The following FBXL2 variants were observed in gnomAD, a reference collection of about 807,000 sequenced individuals.
The protein encoded by FBXL2 is F-box and leucine rich repeat protein 2.
A neutral mutation model predicts 69.2 loss-of-function variants in FBXL2; 38 were observed. That is an observed-to-expected ratio of 0.55 (90% CI 0.42 to 0.72). The LOEUF (loss-of-function observed/expected upper bound fraction) is 0.72, where lower values mean the gene tolerates loss of function less well. Ranked by LOEUF, FBXL2 falls within the 30% of genes least tolerant of loss-of-function variation. The probability of loss-of-function intolerance (pLI) is 0.00; values close to 1 mark genes in which losing one functional copy is unlikely to be tolerated. For synonymous variants in FBXL2, 192 were observed against 201.3 expected (o/e 0.95, Z 0.39); for missense variants, 354 against 520.3 (o/e 0.68, Z 3.11).
chr3:33,418,293 G>A, the FBXL2 span, among the ~76,000 whole-genome samples: 4 of 151,804 alleles, frequency 2.6e-5, no homozygotes, highest in African/African-American at 7.3e-5. Flanking sequence ...TCGTTCTGTC[G>A]CCCAGGCTGG....
intron 1 of FBXL2, 103 bp downstream of exon 1, chr3:33,277,618 G>T (rs1404936175): frequency 9.4e-6 from 11 of 1,164,786 alleles, no homozygotes; most frequent in Non-Finnish European, 9.8e-6. Context: ...CGCAGGGGTC[G>T]TGGAGAGGCC....
At chr3:33,415,520 A>G in the FBXL2 span, among the ~76,000 whole-genome samples, 3 of 152,344 alleles carry the variant, frequency 2.0e-5, 1 homozygote, top group African/African-American at 7.2e-5. Context: ...GATATATACC[A>G]GATATATTTA....
At chr3:33,277,364 C>A (rs1261784031), upstream of FBXL2, 8 of 841,824 alleles carry the variant, frequency 9.5e-6, no homozygotes, top group Non-Finnish European at 1.3e-5. Flanking sequence ...GGCACCGCCC[C>A]TGCGGGTCAC....
At chr3:33,367,878 A>C (rs189945018) in intron 5 of FBXL2, among the ~76,000 whole-genome samples, 1 of 152,272 alleles carries the variant, frequency 6.6e-6, no homozygotes, top group East Asian at 1.9e-4. Context: ...TACTTTGGGG[A>C]AAATTTATGC....
At chr3:33,277,414 T>G, upstream of FBXL2, 1 of 1,219,226 alleles carries the variant, frequency 8.2e-7, no homozygotes, top group Non-Finnish European at 1.0e-6. Flanking sequence ...GAGCCCACCT[T>G]GGGGACGGGG....
intron 13 of FBXL2, chr3:33,383,506 C>A: frequency 5.5e-6 from 1 of 182,840 alleles, no homozygotes. Flanking sequence ...CAAAGATGCT[C>A]AGTATATCTC....
chr3:33,394,448 A>G (rs913699453), intron 12 of FBXL2, among the ~76,000 whole-genome samples: 1 of 152,172 alleles, frequency 6.6e-6, no homozygotes, highest in African/African-American at 2.4e-5. Context: ...TTTTAAATAA[A>G]AGATACTATA....
chr3:33,385,380 A>AAATT (rs2043358912), intron 14 of FBXL2, 121 bp from the exon 15 acceptor site: 1 of 897,330 alleles, frequency 1.1e-6, no homozygotes, highest in Non-Finnish European at 1.9e-6. Flanking sequence ...TCTATAGCAT[A>AAATT]AATTCTACTT....
At chr3:33,383,965 T>C (rs755309914) in intron 13 of FBXL2, 24 bp from the exon 14 acceptor site, 3 of 1,610,508 alleles carry the variant, frequency 1.9e-6, no homozygotes, top group East Asian at 2.2e-5. Flanking sequence ...CCTGCAAACA[T>C]TTACTCATGT....
intron 10 of FBXL2, among the ~76,000 whole-genome samples, chr3:33,376,058 A>T (rs547380958): frequency 6.6e-6 from 1 of 152,100 alleles, no homozygotes; most frequent in East Asian, 1.9e-4. Context: ...CGGAATGCTG[A>T]GGCAGGAGAA....
At position 33,385,893 on chromosome 3, in the gene FBXL2, T is replaced by C; in HGVS notation, c.*285T>C. ...CTGGATCTCTTAAGAGATTGGTACC[T>C]ACCTAGGTACGAAAGTTCTACCCTT... On this transcript the variant is annotated 3_prime_UTR_variant, in exon 15 of 15. Coordinates refer to ENST00000484457, the MANE Select transcript of FBXL2 (RefSeq NM_012157.5). 2.4e-6 allele frequency: 1 copy of C among 420,816 alleles called. No homozygotes were observed. The highest frequency in any genetic ancestry group is 4.9e-5 in the East Asian group (1 of 20,418). The allele number at this position is 420,816 out of a possible 1,614,324, so 26.1% of individuals were successfully genotyped here. A position where few individuals can be genotyped will look rare whatever the true frequency, so the allele number is the denominator to read the frequency against.
rs1249346262 is a variant in FBXL2 at position 33,400,180 on chromosome 3, T to C, written n.1215-3054T>C. The C allele has an allele frequency of 7.7e-6, 12 of 1,558,120 alleles. No homozygotes were observed. The highest frequency in any genetic ancestry group is 4.2e-5 in the African/African-American group (3 of 71,752). ...TCTCATGCACAGATACACACACACA[T>C]ACACATACCTGAAAAATTAGAGAAC... is the stretch of plus-strand genomic sequence containing the variant. On this transcript the variant is annotated intron_variant and non_coding_transcript_variant, in intron 12 of 12. Transcript: ENST00000463736.
At chr3:33,361,567 C>T (rs1391209962) in intron 4 of FBXL2, among the ~76,000 whole-genome samples, 4 of 152,150 alleles carry the variant, frequency 2.6e-5, no homozygotes, top group African/African-American at 9.7e-5. Context: ...AATATCACTA[C>T]CTTGTGCATT....
chr3:33,380,322 C>T (rs1481225221), intron 13 of FBXL2, among the ~76,000 whole-genome samples: 2 of 151,680 alleles, frequency 1.3e-5, no homozygotes, highest in Middle Eastern at 3.2e-3. Context: ...TTTGGGAGGC[C>T]GAGGCAGGCA....
At chr3:33,401,158 A>G (rs2044214184) in intron 12 of FBXL2, 3 of 676,230 alleles carry the variant, frequency 4.4e-6, no homozygotes, top group Non-Finnish European at 7.0e-6. Context: ...GTCTGCAACA[A>G]AATGCAAGCG....
intron 12 of FBXL2, chr3:33,400,310 A>G: frequency 1.3e-6 from 2 of 1,535,514 alleles, no homozygotes; most frequent in Non-Finnish European, 1.8e-6. Context: ...GAACATAAAT[A>G]AAAGGAACCA....
chr3:33,346,207 CAA>C (rs374086919), intron 2 of FBXL2, among the ~76,000 whole-genome samples: 5 of 152,090 alleles, frequency 3.3e-5, no homozygotes, highest in East Asian at 3.9e-4. Flanking sequence ...GTCTGGGCAA[CAA>C]GAGTGAAACT....
intron 5 of FBXL2, among the ~76,000 whole-genome samples, chr3:33,365,756 AAC>A (rs1451769530): frequency 4.4e-5 from 3 of 67,570 alleles, no homozygotes; most frequent in African/African-American, 2.1e-4. Flanking sequence ...CAAACAAACC[AAC>A]AACAATTTGT....
chr3:33,305,285 CAT>C (rs1297968358), intron 2 of FBXL2, among the ~76,000 whole-genome samples: 5 of 151,974 alleles, frequency 3.3e-5, no homozygotes, highest in Admixed American at 1.3e-4. Flanking sequence ...CACTGTGGTA[CAT>C]ATGTTTATAT....
Sources: gnomAD v4.1 joint callset for allele counts (sites outside exome capture counted in the v4.1 genomes callset) on GRCh38, gnomAD v4.1.1 for gene constraint, MANE v1.5 for transcripts, NCBI Gene and HGNC (gene_info 2026-07-23, HGNC 2026-07-21) for gene names.